Variants in TRPM2 observed in about 807,000 individuals in gnomAD.
TRPM2 encodes transient receptor potential cation channel subfamily M member 2.
A neutral mutation model predicts 174.0 loss-of-function variants in TRPM2; 161 were observed. The observed-to-expected ratio is 0.93, with a 90% CI of 0.81 to 1.05. TRPM2 has a LOEUF of 1.05. TRPM2 is among the 50% of genes least tolerant of loss of function. The pLI is 0.00. For synonymous variants in TRPM2, 954 were observed against 861.3 expected, an observed-to-expected ratio of 1.11 and a Z score of -1.88; for missense variants, 2,057 against 2,038.0, an observed-to-expected ratio of 1.01 and a Z score of -0.18.
At chr21:44,428,360 C>A (rs769663396) in intron 27 of TRPM2, among the ~76,000 whole-genome samples, 1 of 151,610 alleles carries the variant, frequency 6.6e-6, no homozygotes, top group Non-Finnish European at 1.5e-5. Context: ...AAGATCTGGC[C>A]CCTCCCCTGA....
chr21:44,359,504 G>A (rs1321326244), intron 2 of TRPM2, among the ~76,000 whole-genome samples: 1 of 151,412 alleles, frequency 6.6e-6, no homozygotes, highest in Non-Finnish European at 1.5e-5. Flanking sequence ...CAGTCAATAC[G>A]TGGCGGGGAA....
chr21:44,408,995 T>C (rs917286222), intron 19 of TRPM2, among the ~76,000 whole-genome samples: 4 of 152,174 alleles, frequency 2.6e-5, no homozygotes, highest in African/African-American at 9.6e-5. Flanking sequence ...TTTTATATTA[T>C]TGAGTTGTCT....
intron 9 of TRPM2, among the ~76,000 whole-genome samples, chr21:44,384,923 G>C (rs185820188): frequency 4.2e-4 from 64 of 152,290 alleles, no homozygotes; most frequent in African/African-American, 1.3e-3. Context: ...AAGAAGGAAG[G>C]CTTCCTAATT....
intron 23 of TRPM2, among the ~76,000 whole-genome samples, chr21:44,423,980 C>T (rs934574642): frequency 6.6e-6 from 1 of 152,186 alleles, no homozygotes; most frequent in Non-Finnish European, 1.5e-5. Context: ...CTGTGCTCCT[C>T]GCTGCTCCCA....
intron 13 of TRPM2, among the ~76,000 whole-genome samples, chr21:44,398,206 G>GTTTTTTTTTTTTTTTTTTTTTTT (rs34051764): frequency 6.9e-6 from 1 of 144,782 alleles, no homozygotes; most frequent in African/African-American, 2.7e-5. Context: ...TTTGGAGACT[G>GTTTTTTTTTTTTTTTTTTTTTTT]TTTTTTTTTT....
intron 8 of TRPM2, among the ~76,000 whole-genome samples, chr21:44,379,495 G>A (rs2048812225): frequency 6.6e-6 from 1 of 152,258 alleles, no homozygotes; most frequent in African/African-American, 2.4e-5. Flanking sequence ...CTGGATTGGA[G>A]GGGTGGGAGG....
intron 2 of TRPM2, among the ~76,000 whole-genome samples, chr21:44,358,069 A>C (rs2048108188): frequency 3.3e-5 from 5 of 152,116 alleles, no homozygotes; most frequent in Admixed American, 2.6e-4. Context: ...TGTTTCCATT[A>C]AGCATGGTAG....
chr21:44,399,114 G>A lies in TRPM2; in HGVS notation c.2063-182G>A, dbSNP rs149510801. Among the ~76,000 whole-genome samples, 116 of 152,140 alleles carry A rather than the reference G, an allele frequency of 7.6e-4. No individual in the cohort carries two copies. Among genetic ancestry groups the A allele is most frequent in the African/African-American group, 1.3e-3 (52 of 41,488 alleles). On this transcript the variant is annotated intron_variant, in intron 13 of 31. Transcript: ENST00000397928. This position sits in a 1 kb window ranked among gnomAD's most constrained non-coding sequence, Gnocchi z 4.6. ...TTTGTAGAGGCAGTTCCAGCCCTAC[G>A]TGCCCTCTCCCTGGGGTCCTCGTCC...
chr21:44,406,683 G>C lies in TRPM2; in HGVS notation c.2880G>C (p.Glu960Asp), dbSNP rs1225516513. ...AGCAGGCCATCCTCATCCACAACGA[G>C]CGCCGGGTGGACTGGCTGTTCCGAG... ...VAKQAILIHN[E>D]RRVDWLFRGA... Residue 960 changes from glutamate to aspartate, a missense_variant, in exon 19 of 32, where the codon GAG becomes GAC. Transcript: ENST00000397928. 6.2e-7 allele frequency: 1 copy of C among 1,610,296 alleles called. No homozygotes were observed. Among genetic ancestry groups the C allele is most frequent in the Non-Finnish European group, 8.5e-7 (1 of 1,179,402 alleles).
Position 44,379,208 on chromosome 21 carries a change from C to A in TRPM2, c.1215+11C>A. 6.2e-7 allele frequency: 1 copy of A among 1,610,108 alleles called. No individual in the cohort carries two copies. Among genetic ancestry groups the A allele is most frequent in the Non-Finnish European group, 8.5e-7 (1 of 1,179,236 alleles). ...GAGTGGACCAAAAAGGTGAGGCTGA[C>A]GGGCACGACGGTCACCAGCATGTGG... On this transcript the variant is annotated intron_variant, in intron 8 of 31. Transcript: ENST00000397928.
At chr21:44,384,077 GA>G (rs2048955357) in intron 9 of TRPM2, among the ~76,000 whole-genome samples, 1 of 152,054 alleles carries the variant, frequency 6.6e-6, no homozygotes, top group Admixed American at 6.6e-5. Context: ...TTGGTTATTT[GA>G]AAAGATCAAC....
At chr21:44,372,086 C>T (rs1257785176) in intron 5 of TRPM2, among the ~76,000 whole-genome samples, 2 of 152,228 alleles carry the variant, frequency 1.3e-5, no homozygotes, top group Non-Finnish European at 2.9e-5. Context: ...CATGCCACTG[C>T]ACTCCAGCCT....
chr21:44,351,742 C>A (rs2122997812), upstream of TRPM2, among the ~76,000 whole-genome samples: 2 of 152,182 alleles, frequency 1.3e-5, no homozygotes, highest in Non-Finnish European at 1.5e-5. Flanking sequence ...GCCATTGGCC[C>A]CCCCACAGCG....
intron 9 of TRPM2, among the ~76,000 whole-genome samples, chr21:44,386,103 T>C (rs1384403972): frequency 2.0e-5 from 3 of 152,188 alleles, no homozygotes; most frequent in African/African-American, 7.2e-5. Context: ...TCTGCCACAT[T>C]TGCCAGGTGT....
chr21:44,370,666 G>A (rs1443519597), intron 5 of TRPM2, among the ~76,000 whole-genome samples: 3 of 152,248 alleles, frequency 2.0e-5, no homozygotes, highest in South Asian at 2.1e-4. Flanking sequence ...AGATGCCCAC[G>A]AGGGGCCCAG....
chr21:44,354,811 A>G lies in TRPM2; in HGVS notation c.254+75A>G, dbSNP rs965520627. ...CCACATGGAGTAGCTGATCAGGCCA[A>G]GACCCCTCAGGGCCTCAGTGAAGGG... On this transcript the variant is annotated intron_variant, in intron 2 of 31. Coordinates refer to ENST00000397928, the MANE Select transcript of TRPM2 (RefSeq NM_003307.4). The surrounding 1 kb of genome is among the most constrained non-coding windows in gnomAD (Gnocchi z 4.3). 2 of 1,356,332 alleles carry G rather than the reference A, an allele frequency of 1.5e-6. No individual in the cohort carries two copies. The highest frequency in any genetic ancestry group is 2.1e-6 in the Non-Finnish European group (2 of 945,632). 84.0% of individuals were successfully genotyped at this position (1,356,332 alleles called of 1,614,324 possible). A position where few individuals can be genotyped will look rare whatever the true frequency, so the allele number is the denominator to read the frequency against.
rs1338881287 is a variant in TRPM2, at chr21:44,406,720, C to T, written c.2917C>T (p.His973Tyr). ...CTGGCTGTTCCGAGGGGCCGTCTAC[C>T]ACTCCTACCTCACCATCTTCGGGCA... ...VDWLFRGAVY[H>Y]SYLTIFGQIP... The change falls in exon 19 of 32, where the codon CAC (histidine) becomes TAC (tyrosine). Residue 973 changes from histidine to tyrosine, a missense_variant. Transcript: ENST00000397928. 6.2e-7 allele frequency: 1 copy of T among 1,608,264 alleles called. No individual in the cohort carries two copies. The highest frequency in any genetic ancestry group is 1.3e-5 in the African/African-American group (1 of 74,780).
rs921929045 is a variant in TRPM2 at position 44,399,409 on chromosome 21, G to T, written c.2176G>T (p.Asp726Tyr). The T allele has an allele frequency of 6.2e-7, 1 of 1,612,696 alleles. No homozygotes were observed. Among genetic ancestry groups the T allele is most frequent in the Non-Finnish European group, 8.5e-7 (1 of 1,179,874 alleles). ...CCTGCAGCTCGCCCTGGAGGCCAAGGACATGAAGTTTGTGTCTCACGGGGG... is the reference window on the plus strand; with the variant it reads ...CCTGCAGCTCGCCCTGGAGGCCAAGTACATGAAGTTTGTGTCTCACGGGGG... ...TCLQLALEAK[D>Y]MKFVSHGGIQ... Residue 726 changes from aspartate to tyrosine, a missense_variant, in exon 14 of 32, where the codon GAC (aspartate) becomes TAC (tyrosine). Coordinates refer to ENST00000397928, the MANE Select transcript of TRPM2 (RefSeq NM_003307.4). This position sits in a 1 kb window ranked among gnomAD's most constrained non-coding sequence, Gnocchi z 4.6.
rs765351879 is a variant in TRPM2 at position 44,435,198 on chromosome 21, C to G, written c.4042C>G (p.Leu1348Val). Residue 1348 changes from leucine to valine, a missense_variant, in exon 28 of 32, where the codon CTG becomes GTG. Transcript: ENST00000397928. The stretch of plus-strand genomic sequence containing the variant: ...CAGCTGCTTCGGACCCAACCACACG[C>G]TGTACCCCATGGTCACGCGGTGAGT... ...SLSCFGPNHT[L>V]YPMVTRWRRN... The G allele has an allele frequency of 3.7e-6, 6 of 1,613,222 alleles. No homozygotes were observed. In the South Asian group the frequency reaches 4.4e-5, roughly 12 times the overall value.
Sources: allele counts gnomAD v4.1 joint callset (sites outside exome capture counted in the v4.1 genomes callset), GRCh38; gene constraint gnomAD v4.1.1; non-coding constraint Gnocchi (gnomAD v3.1); transcripts MANE v1.5; gene names NCBI Gene and HGNC (gene_info 2026-07-23, HGNC 2026-07-21).